The following GAD1 variants were observed in gnomAD, a reference collection of about 807,000 sequenced individuals.
GAD1 encodes the protein 67 kDa glutamic acid decarboxylase.
In GAD1, 35 loss-of-function variants were observed where a neutral mutation model predicts 75.2. That is an observed-to-expected ratio of 0.47 (90% CI 0.36 to 0.62). The LOEUF is 0.62. Among genes scored for constraint, GAD1 ranks in the 20% least tolerant of loss-of-function variants. The pLI, the probability that GAD1 is intolerant of heterozygous loss-of-function variation, is 0.00. For missense variants in GAD1, 490 were observed against 758.5 expected (o/e 0.65, Z 4.16); for synonymous variants, 257 against 271.9 (o/e 0.95, Z 0.54).
chr2:170,827,458 G>T (rs1702052044), intron 3 of GAD1, among the ~76,000 whole-genome samples: 1 of 152,262 alleles, frequency 6.6e-6, no homozygotes, highest in Non-Finnish European at 1.5e-5. Context: ...GAGCAGACGT[G>T]CGGGCCAGGA....
chr2:170,854,129 C>A, intron 14 of GAD1, 107 bp downstream of exon 14: 1 of 1,110,172 alleles, frequency 9.0e-7, no homozygotes, highest in African/African-American at 1.5e-5. Context: ...TATGGGGAAT[C>A]AATATCTAGA....
intron 6 of GAD1, among the ~76,000 whole-genome samples, chr2:170,841,470 C>T (rs1435117329): frequency 3.3e-5 from 5 of 152,202 alleles, no homozygotes; most frequent in Middle Eastern, 3.4e-3. Context: ...GAGGCAAAGG[C>T]GGGAGGATCG....
intron 6 of GAD1, among the ~76,000 whole-genome samples, chr2:170,837,367 T>C (rs1254144087): frequency 1.3e-5 from 2 of 152,240 alleles, no homozygotes; most frequent in African/African-American, 4.8e-5. Flanking sequence ...ATATATTCTT[T>C]TCAAAATAAG....
chr2:170,847,282 T>C (rs1417503987), intron 10 of GAD1, among the ~76,000 whole-genome samples: 3 of 152,252 alleles, frequency 2.0e-5, no homozygotes, highest in Non-Finnish European at 2.9e-5. Flanking sequence ...CAAACACTTA[T>C]TATTACTCTT....
chr2:170,854,087 AG>A, intron 14 of GAD1, 65 bp downstream of exon 14: 1 of 1,539,732 alleles, frequency 6.5e-7, no homozygotes, highest in East Asian at 2.2e-5. Flanking sequence ...CTGGCAAAAG[AG>A]GGGCAAAGAT....
intron 6 of GAD1, among the ~76,000 whole-genome samples, chr2:170,837,090 G>C (rs776232128): frequency 6.6e-5 from 10 of 152,134 alleles, no homozygotes; most frequent in Non-Finnish European, 4.4e-5. Flanking sequence ...AGGAAAGCAT[G>C]GTCATGAGAA....
In GAD1 at chr2:170,859,992, T is replaced by C; in HGVS notation, c.*110T>C. The C allele has an allele frequency of 1.0e-6, 1 of 970,102 alleles. No homozygotes were observed. The highest frequency in any genetic ancestry group is 1.4e-5 in the South Asian group (1 of 71,246). 60.1% of individuals were successfully genotyped at this position (970,102 alleles called of 1,614,324 possible). ...CAGGCCATTTCATTGAGGGAAAACA[T>C]AATATCTTGAAGAATATTGTTAAAA... is the stretch of plus-strand genomic sequence containing the variant. On this transcript the variant is annotated 3_prime_UTR_variant, in exon 17 of 17. Coordinates refer to ENST00000358196, the MANE Select transcript of GAD1 (RefSeq NM_000817.3).
In GAD1 at chr2:170,838,668, C is replaced by A. The variant is rs183278953; in HGVS notation, c.638+1785C>A. On this transcript the variant is annotated intron_variant, in intron 6 of 16. Transcript: ENST00000358196. Reference sequence around the variant, plus strand: ...CTCAAGGTAAATAACGGACCTCCCCCCTTTCAACCACTTATGACCAGATAT... The same window carrying A: ...CTCAAGGTAAATAACGGACCTCCCCACTTTCAACCACTTATGACCAGATAT... Among the ~76,000 whole-genome samples, 7 of 152,288 alleles carry A rather than the reference C, an allele frequency of 4.6e-5. No individual in the cohort carries two copies. The East Asian group carries it at 9.6e-4, about 21-fold the overall frequency.
intron 2 of GAD1, among the ~76,000 whole-genome samples, chr2:170,819,619 T>C (rs1303316726): frequency 6.6e-6 from 1 of 152,040 alleles, no homozygotes; most frequent in Non-Finnish European, 1.5e-5. Flanking sequence ...CTTGTTGGAG[T>C]GAAGAAGTGT....
chr2:170,814,096 A>G (rs1438768450), upstream of GAD1, among the ~76,000 whole-genome samples: 1 of 152,224 alleles, frequency 6.6e-6, no homozygotes, highest in Non-Finnish European at 1.5e-5. Flanking sequence ...CAGGAATGAT[A>G]AAAGATTAAA....
intron 14 of GAD1, among the ~76,000 whole-genome samples, chr2:170,856,090 T>G (rs183068127): frequency 1.3e-5 from 2 of 152,184 alleles, no homozygotes; most frequent in African/African-American, 4.8e-5. Flanking sequence ...GTGGACTGAC[T>G]AGGGTGTACA....
chr2:170,818,733 G>C lies in GAD1; in HGVS notation c.82+60G>C, dbSNP rs1001840084. 9.2e-6 allele frequency: 14 copies of C among 1,517,724 alleles called. No homozygotes were observed. Among genetic ancestry groups the C allele is most frequent in the Non-Finnish European group, 1.3e-5 (14 of 1,092,128 alleles). The allele number at this position is 1,517,724 out of a possible 1,614,324, so 94.0% of individuals were successfully genotyped here. ...GCAGGGAAGATGGGGGCGCTGGGACGTCGGGAGGCTGAGCTGGCGGAAAGG... is the reference window on the plus strand; with the variant it reads ...GCAGGGAAGATGGGGGCGCTGGGACCTCGGGAGGCTGAGCTGGCGGAAAGG... On this transcript the variant is annotated intron_variant, in intron 2 of 16. Transcript: ENST00000358196. This position sits in a 1 kb window ranked among gnomAD's most constrained non-coding sequence, Gnocchi z 5.9.
intron 6 of GAD1, among the ~76,000 whole-genome samples, chr2:170,840,476 C>A (rs552227361): frequency 1.1e-3 from 169 of 152,248 alleles, no homozygotes; most frequent in Non-Finnish European, 2.1e-3. Context: ...TTGACAGTCA[C>A]CAGGGATCCA....
At chr2:170,826,444 T>C (rs1168109821) in intron 3 of GAD1, among the ~76,000 whole-genome samples, 2 of 151,834 alleles carry the variant, frequency 1.3e-5, no homozygotes, top group African/African-American at 4.8e-5. Flanking sequence ...GGTAGGCACC[T>C]GTAATCCCAA....
At chr2:170,841,599 C>T (rs1702518707) in intron 6 of GAD1, among the ~76,000 whole-genome samples, 1 of 152,170 alleles carries the variant, frequency 6.6e-6, no homozygotes, top group Non-Finnish European at 1.5e-5. Flanking sequence ...TGGTGAACTA[C>T]AAGGCCTTCT....
At chr2:170,848,301 C>A (rs984725094) in intron 11 of GAD1, among the ~76,000 whole-genome samples, 3 of 152,012 alleles carry the variant, frequency 2.0e-5, no homozygotes, top group African/African-American at 7.2e-5. Context: ...AGTTTGAGAC[C>A]AGCCTTGCCA....
intron 3 of GAD1, among the ~76,000 whole-genome samples, chr2:170,828,805 C>T (rs1331851581): frequency 7.0e-6 from 1 of 143,598 alleles, no homozygotes; most frequent in African/African-American, 2.6e-5. Flanking sequence ...GTCCTCACCC[C>T]TCCTCTTCCC....
rs78430305 is a variant in GAD1, at chr2:170,820,262, G to A, written c.82+1589G>A. Among the ~76,000 whole-genome samples, 1,190 of 152,170 alleles carry A rather than the reference G, an allele frequency of 7.8e-3. 16 individuals are homozygous for A. Among genetic ancestry groups the A allele is most frequent in the African/African-American group, 0.027 (1,121 of 41,496 alleles). Reference sequence around the variant, plus strand: ...TTCCCGGTGGCCGCCAGTCGCCGGCGCAAATGCCAAGTCACCGGTAGGAGA... The same window carrying A: ...TTCCCGGTGGCCGCCAGTCGCCGGCACAAATGCCAAGTCACCGGTAGGAGA... On this transcript the variant is annotated intron_variant, in intron 2 of 16. Coordinates refer to ENST00000358196, the MANE Select transcript of GAD1 (RefSeq NM_000817.3).
chr2:170,824,408 CACACACACACA>C, intron 3 of GAD1, among the ~76,000 whole-genome samples: 1 of 148,322 alleles, frequency 6.7e-6, no homozygotes, highest in South Asian at 2.1e-4. Context: ...CACACACACA[CACACACACACA>C]CCCCTCCCTT....
Sources: gnomAD v4.1 joint callset for allele counts (sites outside exome capture counted in the v4.1 genomes callset) on GRCh38, gnomAD v4.1.1 for gene constraint, Gnocchi (gnomAD v3.1) non-coding constraint, MANE v1.5 for transcripts, NCBI Gene and HGNC (gene_info 2026-07-23, HGNC 2026-07-21) for gene names.